Variants in KANSL1 observed in about 807,000 individuals in gnomAD.
The protein encoded by KANSL1 is KAT8 regulatory NSL complex subunit 1.
KANSL1 carries 22 observed loss-of-function variants against 103.6 expected under a neutral mutation model. That is an observed-to-expected ratio of 0.21 (90% CI 0.15 to 0.30). The LOEUF (loss-of-function observed/expected upper bound fraction) is 0.30. Ranked by LOEUF, KANSL1 falls within the 10% of genes least tolerant of loss-of-function variation. KANSL1 has a pLI of 1.00. For missense variants in KANSL1, 1,337 were observed against 1,399.8 expected (o/e 0.96, Z 0.72); for synonymous variants, 600 against 527.6 (o/e 1.14, Z -1.88).
intron 2 of KANSL1, among the ~76,000 whole-genome samples, chr17:46,107,083 C>G (rs551806133): frequency 6.6e-6 from 1 of 152,284 alleles, no homozygotes; most frequent in Admixed American, 6.5e-5. Context: ...GAAGGTAACC[C>G]AAGTTTGGCA....
At chr17:46,107,799 A>C (rs1318530357) in intron 2 of KANSL1, among the ~76,000 whole-genome samples, 1 of 152,150 alleles carries the variant, frequency 6.6e-6, no homozygotes, top group African/African-American at 2.4e-5. Flanking sequence ...CCCAACTCCT[A>C]TATGCCATCC....
At chr17:46,047,104 T>G (rs1431846875) in intron 7 of KANSL1, among the ~76,000 whole-genome samples, 1 of 152,210 alleles carries the variant, frequency 6.6e-6, no homozygotes, top group East Asian at 1.9e-4. Context: ...TTCTGTTTCC[T>G]TTCTCTTACA....
chr17:46,058,932 A>C (rs2078043910), intron 6 of KANSL1, among the ~76,000 whole-genome samples: 1 of 152,044 alleles, frequency 6.6e-6, no homozygotes, highest in Admixed American at 6.5e-5. Flanking sequence ...CGTGTCTGTA[A>C]TCTCAGCTAC....
chr17:46,080,216 G>C (rs954664625), intron 4 of KANSL1, among the ~76,000 whole-genome samples: 1 of 148,582 alleles, frequency 6.7e-6, no homozygotes, highest in East Asian at 2.0e-4. Context: ...ATATATTTTT[G>C]GGTAATAAAC....
chr17:46,108,455 C>T (rs1323566614), intron 2 of KANSL1, among the ~76,000 whole-genome samples: 3 of 152,244 alleles, frequency 2.0e-5, no homozygotes, highest in East Asian at 1.9e-4. Flanking sequence ...ACCCCCTACA[C>T]ACCTTTCTTT....
chr17:46,088,622 A>G (rs1337677897), intron 3 of KANSL1: 1 of 152,382 alleles, frequency 6.6e-6, no homozygotes, highest in Admixed American at 6.5e-5. Context: ...GAGTCAAGCC[A>G]GTGCTTCTGG....
intron 4 of KANSL1, among the ~76,000 whole-genome samples, chr17:46,071,096 A>C (rs977393562): frequency 9.9e-5 from 15 of 152,214 alleles, no homozygotes; most frequent in Admixed American, 6.5e-4. Flanking sequence ...TATATATTTA[A>C]ATGCTATTCA....
At chr17:46,199,093 G>A (rs2047709694) in intron 1 of KANSL1, among the ~76,000 whole-genome samples, 1 of 152,212 alleles carries the variant, frequency 6.6e-6, no homozygotes, top group Non-Finnish European at 1.5e-5. Context: ...CCAAAGTTAA[G>A]AAATTTAAGT....
intron 2 of KANSL1, among the ~76,000 whole-genome samples, chr17:46,157,430 T>C (rs560568697): frequency 6.6e-6 from 1 of 152,350 alleles, no homozygotes; most frequent in South Asian, 2.1e-4. Flanking sequence ...TTAAATAATC[T>C]AACATTGCTT....
At chr17:46,059,240 A>T (rs1377464786) in intron 6 of KANSL1, among the ~76,000 whole-genome samples, 3 of 152,126 alleles carry the variant, frequency 2.0e-5, no homozygotes, top group African/African-American at 4.8e-5. Context: ...AGGAGGCTAC[A>T]AAGCTAAGTG....
chr17:46,039,663 C>G lies in KANSL1; in HGVS notation c.2203+39G>C, dbSNP rs369133174. The G allele has an allele frequency of 7.3e-5, 116 of 1,588,992 alleles. No homozygotes were observed. In the Middle Eastern group the frequency reaches 1.9e-3, roughly 26 times the overall value. On this transcript the variant is annotated intron_variant, in intron 8 of 14. Coordinates refer to ENST00000432791, the MANE Select transcript of KANSL1 (RefSeq NM_015443.4). ...AGAATATAAAAGGAATGAAAAGTCA[C>G]TGATACTCTGGGGGACTTCCCGGCT...
intron 2 of KANSL1, among the ~76,000 whole-genome samples, chr17:46,153,470 C>T (rs183955841): frequency 3.1e-4 from 47 of 152,250 alleles, no homozygotes; most frequent in Admixed American, 2.6e-3. Context: ...AAACATATTC[C>T]CAAAATGTGG....
intron 7 of KANSL1, chr17:46,040,968 A>G (rs1282067611): frequency 3.9e-5 from 6 of 152,226 alleles, no homozygotes; most frequent in Non-Finnish European, 8.8e-5. Flanking sequence ...AAGATGAGGG[A>G]AAGTCTGGAA....
intron 2 of KANSL1, among the ~76,000 whole-genome samples, chr17:46,142,067 T>A (rs1385420148): frequency 1.3e-5 from 2 of 152,186 alleles, no homozygotes; most frequent in African/African-American, 2.4e-5. Flanking sequence ...TTTTTTGTAT[T>A]TTAGTAGAGC....
intron 8 of KANSL1, chr17:46,039,451 A>T (rs2077248879): frequency 3.3e-6 from 2 of 606,048 alleles, no homozygotes; most frequent in Admixed American, 3.3e-5. Context: ...AGATGAACTC[A>T]ATGCCATGCC....
At chr17:46,100,280 A>T (rs2042250807) in intron 2 of KANSL1, among the ~76,000 whole-genome samples, 1 of 151,988 alleles carries the variant, frequency 6.6e-6, no homozygotes, top group Non-Finnish European at 1.5e-5. Flanking sequence ...TACTAAAAAT[A>T]AAAAAAATTA....
intron 2 of KANSL1, among the ~76,000 whole-genome samples, chr17:46,100,444 C>CCA (rs1555763353): frequency 2.3e-5 from 2 of 88,256 alleles, no homozygotes; most frequent in African/African-American, 8.5e-5. Flanking sequence ...TCCCTCTCCC[C>CCA]AAAAAAAAAA....
intron 1 of KANSL1, among the ~76,000 whole-genome samples, chr17:46,217,006 C>A (rs1460383803): frequency 6.6e-6 from 1 of 150,730 alleles, no homozygotes; most frequent in Non-Finnish European, 1.5e-5. Flanking sequence ...ACTCAGGAAG[C>A]TGAGGTGGGA....
intron 6 of KANSL1, 95 bp downstream of exon 6, chr17:46,066,442 G>T: frequency 1.8e-6 from 2 of 1,130,602 alleles, no homozygotes; most frequent in Non-Finnish European, 2.4e-6. Flanking sequence ...TTGGTGGTTA[G>T]CCAAGTTTAG....
Sources: allele counts gnomAD v4.1 joint callset (sites outside exome capture counted in the v4.1 genomes callset), GRCh38; gene constraint gnomAD v4.1.1; transcripts MANE v1.5; gene names NCBI Gene and HGNC (gene_info 2026-07-23, HGNC 2026-07-21).